PRPF18: variants seen among roughly 807,000 people sequenced by gnomAD.
PRPF18 encodes pre-mRNA-splicing factor 18.
Under a neutral mutation model 46.5 loss-of-function variants are expected in PRPF18, and 38 were observed. The observed-to-expected ratio is 0.82, with a 90% CI of 0.63 to 1.07. The LOEUF is 1.07. Among genes scored for constraint, PRPF18 ranks in the 50% least tolerant of loss-of-function variants. The pLI, the probability that PRPF18 is intolerant of heterozygous loss-of-function variation, is 0.00. For synonymous variants in PRPF18, 152 were observed against 146.7 expected (o/e 1.04, Z -0.26); for missense variants, 263 against 410.0 (o/e 0.64, Z 3.10).
chr10:13,617,123 C>G (rs2080354014), intron 9 of PRPF18, among the ~76,000 whole-genome samples: 1 of 152,108 alleles, frequency 6.6e-6, no homozygotes, highest in Non-Finnish European at 1.5e-5. Flanking sequence ...AAACTTTTCT[C>G]CCTAGTGGGA....
At chr10:13,622,326 T>G (rs572370042) in intron 9 of PRPF18, among the ~76,000 whole-genome samples, 65 of 152,328 alleles carry the variant, frequency 4.3e-4, no homozygotes, top group African/African-American at 1.3e-3. Context: ...GGAAACAGAT[T>G]TGGGGGAATG....
intron 9 of PRPF18, among the ~76,000 whole-genome samples, chr10:13,621,969 C>G (rs1171798764): frequency 6.6e-6 from 1 of 152,140 alleles, no homozygotes; most frequent in South Asian, 2.1e-4. Context: ...GTAATGTGTT[C>G]ACGTGTTACC....
the PRPF18 span, chr10:13,651,664 C>CTCTG: frequency 1.9e-6 from 1 of 516,096 alleles, no homozygotes; most frequent in Non-Finnish European, 3.5e-6. Context: ...CAGAACAAGA[C>CTCTG]TCTGTCTCAA....
rs117284174 is a variant in PRPF18, at chr10:13,615,906, G to A, written c.793-492G>A. 2.8e-3 allele frequency among the ~76,000 whole-genome samples: 420 copies of A among 152,216 alleles called. 3 individuals are homozygous for A. In the South Asian group the frequency reaches 0.028, roughly 10 times the overall value. ...CTGTTAAAGACCCTGTGTGGTCGTC[G>A]GCACATACTGAGCCCCCACTTCCTT... On this transcript the variant is annotated intron_variant, in intron 8 of 9. Transcript: ENST00000378572.
chr10:13,649,796 C>T, the PRPF18 span, among the ~76,000 whole-genome samples: 2 of 152,132 alleles, frequency 1.3e-5, no homozygotes, highest in Non-Finnish European at 2.9e-5. Flanking sequence ...CCATGTGCTA[C>T]GAAAGAGACC....
At chr10:13,619,865 C>A (rs1022066503) in intron 9 of PRPF18, among the ~76,000 whole-genome samples, 1 of 151,434 alleles carries the variant, frequency 6.6e-6, no homozygotes, top group Non-Finnish European at 1.5e-5. Context: ...AAAAAGTATT[C>A]TCCTATTTTT....
At chr10:13,595,696 G>A (rs2080025392) in intron 1 of PRPF18, among the ~76,000 whole-genome samples, 1 of 152,152 alleles carries the variant, frequency 6.6e-6, no homozygotes, top group Non-Finnish European at 1.5e-5. Flanking sequence ...TAGTTTTGAT[G>A]TTCAGATGAT....
At chr10:13,631,614 C>T (rs1361000351), downstream of PRPF18, 1 of 152,212 alleles carries the variant, frequency 6.6e-6, no homozygotes, top group Non-Finnish European at 1.5e-5. Flanking sequence ...AGAGGGAAGC[C>T]AGAGTCCCTT....
Position 13,622,257 on chromosome 10 carries a change from C to G in PRPF18, c.948+5704C>G, listed in dbSNP as rs1347196177. Among the ~76,000 whole-genome samples, 3 of 152,172 alleles carry G rather than the reference C, an allele frequency of 2.0e-5. No homozygotes were observed. In the East Asian group the frequency reaches 5.8e-4, roughly 29 times the overall value. On this transcript the variant is annotated intron_variant, in intron 9 of 9. Coordinates refer to ENST00000378572, the MANE Select transcript of PRPF18 (RefSeq NM_003675.4). ...AGTACATTTTTAGAGAAAAATACTGCTAGTATTTATGTTTTACATAGTAAT... is the reference window on the plus strand; with the variant it reads ...AGTACATTTTTAGAGAAAAATACTGGTAGTATTTATGTTTTACATAGTAAT...
At chr10:13,655,094 C>T in the PRPF18 span, 1 of 152,704 alleles carries the variant, frequency 6.5e-6, no homozygotes, top group Non-Finnish European at 1.5e-5. Flanking sequence ...CAAACCTGAC[C>T]ACTACGCATT....
intron 2 of PRPF18, 135 bp from the exon 3 acceptor site, chr10:13,600,109 G>A (rs1228673060): frequency 1.5e-6 from 1 of 648,022 alleles, no homozygotes; most frequent in Non-Finnish European, 2.5e-6. Context: ...CTTATTGTGA[G>A]CTCTTTGCTC....
intron 8 of PRPF18, among the ~76,000 whole-genome samples, chr10:13,614,617 C>A (rs909111406): frequency 3.3e-5 from 5 of 152,198 alleles, no homozygotes; most frequent in Non-Finnish European, 7.3e-5. Context: ...GCGTTGCAGA[C>A]CCCTGCAGTG....
intron 9 of PRPF18, among the ~76,000 whole-genome samples, chr10:13,621,976 T>TA (rs1243709354): frequency 1.3e-5 from 2 of 152,124 alleles, no homozygotes; most frequent in Non-Finnish European, 2.9e-5. Context: ...GTTCACGTGT[T>TA]ACCAAAACTG....
At chr10:13,628,672 A>G (rs1263494382) in intron 9 of PRPF18, among the ~76,000 whole-genome samples, 2 of 152,072 alleles carry the variant, frequency 1.3e-5, no homozygotes, top group Non-Finnish European at 2.9e-5. Flanking sequence ...TTACTATGGG[A>G]CCAATGAGAT....
chr10:13,603,134 T>A (rs2080137281), intron 3 of PRPF18, among the ~76,000 whole-genome samples: 1 of 152,264 alleles, frequency 6.6e-6, no homozygotes, highest in African/African-American at 2.4e-5. Flanking sequence ...TAAACCATTG[T>A]TACTGATTAA....
chr10:13,609,255 GA>G (rs1190635272), intron 4 of PRPF18, among the ~76,000 whole-genome samples: 1 of 152,200 alleles, frequency 6.6e-6, no homozygotes, highest in Non-Finnish European at 1.5e-5. Context: ...ACTGTTCACT[GA>G]AATAAAAAAT....
intron 8 of PRPF18, among the ~76,000 whole-genome samples, chr10:13,615,529 G>GATA (rs2080326299): frequency 6.6e-6 from 1 of 152,078 alleles, no homozygotes; most frequent in Admixed American, 6.6e-5. Context: ...TGATCTTCCA[G>GATA]CTACCCTATC....
chr10:13,654,653 G>T, the PRPF18 span: 4 of 619,024 alleles, frequency 6.5e-6, no homozygotes, highest in Non-Finnish European at 5.8e-6. Flanking sequence ...CCCAGAGCAG[G>T]GTCTCAGCAT....
chr10:13,635,173 G>A (rs77067731), downstream of PRPF18, among the ~76,000 whole-genome samples: 8 of 152,290 alleles, frequency 5.3e-5, no homozygotes, highest in East Asian at 1.5e-3. Flanking sequence ...GTGTAAGTTT[G>A]ATAAGGATAA....
Sources: allele counts gnomAD v4.1 joint callset (sites outside exome capture counted in the v4.1 genomes callset), GRCh38; gene constraint gnomAD v4.1.1; transcripts MANE v1.5; gene names NCBI Gene and HGNC (gene_info 2026-07-23, HGNC 2026-07-21).